Variants in ADAM22 observed in about 807,000 individuals in gnomAD.
ADAM22 encodes ADAM metallopeptidase domain 22.
A neutral mutation model predicts 144.6 loss-of-function variants in ADAM22; 65 were observed. The ratio of observed to expected loss-of-function variants is 0.45; its 90% CI spans 0.37 to 0.55. The LOEUF (loss-of-function observed/expected upper bound fraction) is 0.55, where lower values mean the gene tolerates loss of function less well. Among genes scored for constraint, ADAM22 ranks in the 20% least tolerant of loss-of-function variants. ADAM22 has a pLI of 0.00. For synonymous variants in ADAM22, 391 were observed against 412.6 expected, an observed-to-expected ratio of 0.95 and a Z score of 0.63; for missense variants, 974 against 1,184.9, an observed-to-expected ratio of 0.82 and a Z score of 2.61.
chr7:88,022,072 T>A (rs1358117985), intron 3 of ADAM22, among the ~76,000 whole-genome samples: 5 of 151,848 alleles, frequency 3.3e-5, no homozygotes, highest in Admixed American at 6.6e-5. Flanking sequence ...TTTTATTTTT[T>A]TTTTGTAGAG....
At chr7:87,960,290 C>A (rs1385872975) in intron 2 of ADAM22, among the ~76,000 whole-genome samples, 1 of 152,040 alleles carries the variant, frequency 6.6e-6, no homozygotes. Flanking sequence ...TTTTAAGCAT[C>A]ATATGTTCAC....
At chr7:88,151,130 A>T in intron 19 of ADAM22, 99 bp downstream of exon 19, 1 of 1,521,172 alleles carries the variant, frequency 6.6e-7, no homozygotes, top group South Asian at 1.1e-5. Context: ...AATGTTTGTA[A>T]TCAATTCTGA....
intron 3 of ADAM22, among the ~76,000 whole-genome samples, chr7:87,983,623 A>G (rs571198131): frequency 6.6e-6 from 1 of 152,234 alleles, no homozygotes; most frequent in African/African-American, 2.4e-5. Context: ...TTTCTTTTCA[A>G]AATGTTACTT....
intron 3 of ADAM22, among the ~76,000 whole-genome samples, chr7:88,038,916 G>T (rs1802241546): frequency 6.6e-6 from 1 of 151,674 alleles, no homozygotes; most frequent in Non-Finnish European, 1.5e-5. Flanking sequence ...GAGTAGCTGG[G>T]ACTATAGGCA....
At chr7:88,185,385 G>A (rs370681116) in intron 29 of ADAM22, among the ~76,000 whole-genome samples, 5 of 152,092 alleles carry the variant, frequency 3.3e-5, no homozygotes, top group African/African-American at 9.7e-5. Context: ...TATATAATTG[G>A]AAATGTAGTC....
chr7:88,075,483 T>TGAGAAA (rs955001938), intron 3 of ADAM22, 143 bp from the exon 4 acceptor site: 18 of 481,300 alleles, frequency 3.7e-5, no homozygotes, highest in South Asian at 2.4e-4. Context: ...TGTGTGAGTG[T>TGAGAAA]GAGAGAGAGA....
chr7:88,092,107 C>G (rs1206360287), intron 4 of ADAM22, among the ~76,000 whole-genome samples: 1 of 152,154 alleles, frequency 6.6e-6, no homozygotes, highest in African/African-American at 2.4e-5. Flanking sequence ...TTGCACATGG[C>G]AAACACATGG....
Position 88,196,687 on chromosome 7 carries a change from C to T in ADAM22, c.*196C>T, listed in dbSNP as rs1850723830. 2 of 601,948 alleles carry T rather than the reference C, an allele frequency of 3.3e-6. No homozygotes were observed. Among genetic ancestry groups the T allele is most frequent in the African/African-American group, 3.7e-5 (2 of 53,924 alleles). The allele number at this position is 601,948 out of a possible 1,614,324, so 37.3% of individuals were successfully genotyped here. A position where few individuals can be genotyped will look rare whatever the true frequency, so the allele number is the denominator to read the frequency against. ...TGTCATTGGCTTAGGATTTAACTAA[C>T]CATGAAAAGAACTACTGAAATATTA... On this transcript the variant is annotated 3_prime_UTR_variant, in exon 32 of 32. Coordinates refer to ENST00000413139, the MANE Select transcript of ADAM22 (RefSeq NM_001324418.2).
intron 4 of ADAM22, among the ~76,000 whole-genome samples, chr7:88,082,351 G>T (rs374055211): frequency 6.6e-6 from 1 of 152,152 alleles, no homozygotes; most frequent in Non-Finnish European, 1.5e-5. Context: ...ATGGATTAAA[G>T]ACTTAAATGT....
intron 4 of ADAM22, among the ~76,000 whole-genome samples, chr7:88,094,343 G>A (rs1820698909): frequency 6.6e-6 from 1 of 152,188 alleles, no homozygotes; most frequent in African/African-American, 2.4e-5. Context: ...TGAATGAAAT[G>A]GGAGCAGAAC....
chr7:88,151,345 A>T (rs1174987061), intron 20 of ADAM22, 25 bp downstream of exon 20: 2 of 1,613,544 alleles, frequency 1.2e-6, no homozygotes, highest in Non-Finnish European at 1.7e-6. Context: ...TGGCTTGATC[A>T]TTGTTAAAGC....
intron 3 of ADAM22, among the ~76,000 whole-genome samples, chr7:88,065,275 C>T (rs1810942261): frequency 6.6e-6 from 1 of 151,884 alleles, no homozygotes; most frequent in East Asian, 1.9e-4. Context: ...ACCATATTAC[C>T]TGTTAATGCA....
At chr7:88,115,813 T>G (rs1827623619) in intron 6 of ADAM22, among the ~76,000 whole-genome samples, 1 of 152,240 alleles carries the variant, frequency 6.6e-6, no homozygotes, top group Non-Finnish European at 1.5e-5. Context: ...TCTATGCTGA[T>G]GAAGTTTAGA....
At chr7:88,177,138 G>A (rs933716215) in intron 26 of ADAM22, among the ~76,000 whole-genome samples, 5 of 152,190 alleles carry the variant, frequency 3.3e-5, no homozygotes, top group Non-Finnish European at 1.5e-5. Flanking sequence ...AGATAGTAGT[G>A]ATAAATGGGA....
At chr7:87,995,032 G>A (rs1479389072) in intron 3 of ADAM22, among the ~76,000 whole-genome samples, 5 of 151,656 alleles carry the variant, frequency 3.3e-5, no homozygotes, top group South Asian at 4.2e-4. Flanking sequence ...GGGTTTCACC[G>A]TGGTCTCGAT....
At chr7:88,022,098 G>A (rs1162431717) in intron 3 of ADAM22, among the ~76,000 whole-genome samples, 1 of 150,936 alleles carries the variant, frequency 6.6e-6, no homozygotes, top group Non-Finnish European at 1.5e-5. Context: ...GTCTCACTCT[G>A]TTGCTCAGAC....
chr7:87,970,229 C>A (rs186304025), intron 2 of ADAM22, among the ~76,000 whole-genome samples: 25 of 150,822 alleles, frequency 1.7e-4, no homozygotes, highest in African/African-American at 6.1e-4. Flanking sequence ...AAAGAGGGAT[C>A]ATATATACAA....
At chr7:88,100,325 G>T (rs1822568096) in intron 4 of ADAM22, among the ~76,000 whole-genome samples, 1 of 151,854 alleles carries the variant, frequency 6.6e-6, no homozygotes, top group African/African-American at 2.4e-5. Flanking sequence ...TTATTTTTTT[G>T]ACAGGAACTG....
intron 3 of ADAM22, among the ~76,000 whole-genome samples, chr7:88,057,601 T>C (rs1808633942): frequency 6.6e-6 from 1 of 152,222 alleles, no homozygotes; most frequent in Admixed American, 6.5e-5. Flanking sequence ...AAAAAGCCCA[T>C]TCCATTATTT....
Sources: allele counts gnomAD v4.1 joint callset (sites outside exome capture counted in the v4.1 genomes callset), GRCh38; gene constraint gnomAD v4.1.1; transcripts MANE v1.5; gene names NCBI Gene and HGNC (gene_info 2026-07-23, HGNC 2026-07-21).